The following SMC1A variants were observed in gnomAD, a reference collection of about 807,000 sequenced individuals.
SMC1A encodes the protein structural maintenance of chromosomes protein 1A.
In SMC1A, 4 loss-of-function variants were observed where a neutral mutation model predicts 94.5. That is an observed-to-expected ratio of 0.04 (90% CI 0.02 to 0.10). The LOEUF is 0.10. Ranked by LOEUF, SMC1A falls within the 10% of genes least tolerant of loss-of-function variation. SMC1A has a pLI of 1.00. For missense variants in SMC1A, 304 were observed against 989.0 expected, an observed-to-expected ratio of 0.31 and a Z score of 9.29; for synonymous variants, 345 against 347.7, an observed-to-expected ratio of 0.99 and a Z score of 0.09.
chrX:53,418,004 T>G (rs1422472120), intron 1 of SMC1A, among the ~76,000 whole-genome samples: 2 of 112,319 alleles, frequency 1.8e-5, no homozygotes, highest in African/African-American at 6.5e-5. Context: ...TTTTTACTAC[T>G]GTATATCCTT....
intron 16 of SMC1A, among the ~76,000 whole-genome samples, chrX:53,397,988 C>G (rs917829544): frequency 1.8e-5 from 2 of 108,927 alleles, no homozygotes; most frequent in African/African-American, 3.3e-5. Context: ...GAGTTCCAGA[C>G]CAGCCTGGCG....
chrX:53,381,124 GGGGAGGGGGTGGCAAGGC>G, intron 22 of SMC1A, 37 bp from the exon 23 acceptor site: 1 of 929,243 alleles, frequency 1.1e-6, no homozygotes, highest in Non-Finnish European at 1.6e-6. Flanking sequence ...ACACTGAGGC[GGGGAGGGGGTGGCAAGGC>G]GGGGTGGGAC....
At chrX:53,417,993 C>T (rs2075738793) in intron 1 of SMC1A, among the ~76,000 whole-genome samples, 1 of 112,070 alleles carries the variant, frequency 8.9e-6, no homozygotes, top group South Asian at 3.7e-4. Flanking sequence ...AGGGAGTCTT[C>T]TTTTTACTAC....
At chrX:53,417,634 T>C (rs2075737469) in intron 1 of SMC1A, among the ~76,000 whole-genome samples, 1 of 109,975 alleles carries the variant, frequency 9.1e-6, no homozygotes, top group African/African-American at 3.3e-5. Flanking sequence ...TGCACAAACT[T>C]TGACTGGACT....
chrX:53,409,027 A>C, intron 9 of SMC1A, 35 bp downstream of exon 9: 1 of 1,162,650 alleles, frequency 8.6e-7, no homozygotes, highest in South Asian at 1.8e-5. Flanking sequence ...AGTGAGTGTA[A>C]GTGCTCAGGA....
Position 53,412,130 on chromosome X carries a change from G to A in SMC1A, c.978C>T (p.Tyr326=), listed in dbSNP as rs781829271. The A allele has an allele frequency of 5.0e-6, 6 of 1,209,842 alleles. No individual in the cohort carries two copies. In the South Asian group the frequency reaches 1.1e-4, roughly 21 times the overall value. The change falls in exon 6 of 25, where the codon TAC becomes TAT. Residue 326 remains tyrosine (Y), a synonymous_variant. Coordinates refer to ENST00000322213, the MANE Select transcript of SMC1A (RefSeq NM_006306.4). ...KKSLQNAQKH[Y]KKRKGDMDEL... ...CATCCATGTCACCTTTACGCTTCTT[G>A]TAGTGCTTCTGAGCATTCTGCAGAG...
At chrX:53,392,253 G>A (rs782616425) in intron 19 of SMC1A, among the ~76,000 whole-genome samples, 1 of 108,508 alleles carries the variant, frequency 9.2e-6, no homozygotes, top group South Asian at 4.1e-4. Context: ...TTAGCCGGGC[G>A]TGGTGGCAGG....
intron 16 of SMC1A, 128 bp downstream of exon 16, chrX:53,399,461 C>G: frequency 3.2e-6 from 2 of 631,827 alleles, no homozygotes; most frequent in South Asian, 2.5e-5. Context: ...CCGTTTAGGT[C>G]TTGGTATTTT....
chrX:53,401,983 T>A (rs1333898622), intron 15 of SMC1A, among the ~76,000 whole-genome samples: 1 of 110,038 alleles, frequency 9.1e-6, no homozygotes, highest in Non-Finnish European at 1.9e-5. Context: ...GGGTTTCTTG[T>A]CATTGTTTTT....
intron 19 of SMC1A, among the ~76,000 whole-genome samples, chrX:53,385,464 C>T (rs1047821868): frequency 2.8e-5 from 3 of 107,672 alleles, no homozygotes; most frequent in Non-Finnish European, 5.8e-5. Context: ...TTAGTAGAGA[C>T]GGGGTTTCAC....
intron 19 of SMC1A, among the ~76,000 whole-genome samples, chrX:53,384,280 T>C (rs1294144238): frequency 9.3e-6 from 1 of 107,919 alleles, no homozygotes; most frequent in Non-Finnish European, 1.9e-5. Flanking sequence ...TTTTTTTTTT[T>C]GGAGACAGAG....
intron 20 of SMC1A, 49 bp from the exon 21 acceptor site, chrX:53,382,709 C>A (rs782316543): frequency 9.3e-6 from 11 of 1,186,733 alleles, no homozygotes; most frequent in Non-Finnish European, 1.3e-5. Flanking sequence ...GCAAGAAGGA[C>A]CTGCAAATGA....
intron 15 of SMC1A, among the ~76,000 whole-genome samples, chrX:53,402,883 A>AAAAAAAAAAAAAAAAAAAAAAAAAT (rs2075676233): frequency 1.1e-5 from 1 of 90,102 alleles, no homozygotes; most frequent in Non-Finnish European, 2.1e-5. Flanking sequence ...AAAAAAAAAA[A>AAAAAAAAAAAAAAAAAAAAAAAAAT]AAGGGCCGGC....
intron 19 of SMC1A, among the ~76,000 whole-genome samples, chrX:53,392,965 G>A (rs1556887467): frequency 8.9e-6 from 1 of 112,044 alleles, no homozygotes; most frequent in Non-Finnish European, 1.9e-5. Flanking sequence ...TCATATTCAG[G>A]AGGATTGGAT....
rs1156414417 is a variant in SMC1A at position 53,381,133 on chromosome X, G to T, written c.3438-46C>A. On this transcript the variant is annotated intron_variant, in intron 22 of 24. Coordinates refer to ENST00000322213, the MANE Select transcript of SMC1A (RefSeq NM_006306.4). ...GAGCTGACACTGAGGCGGGGAGGGG[G>T]TGGCAAGGCGGGGTGGGACAGCCCC... 4 of 758,889 alleles carry T rather than the reference G, an allele frequency of 5.3e-6. No individual in the cohort carries two copies. The African/African-American group carries it at 6.3e-5, about 12-fold the overall frequency. The allele number at this position is 758,889 out of a possible 1,213,427, so 62.5% of individuals were successfully genotyped here. A position where few individuals can be genotyped will look rare whatever the true frequency, so the allele number is the denominator to read the frequency against.
intron 19 of SMC1A, among the ~76,000 whole-genome samples, chrX:53,385,580 A>G (rs782258473): frequency 9.1e-6 from 1 of 110,450 alleles, no homozygotes; most frequent in Admixed American, 9.7e-5. Flanking sequence ...CGGCCCCAGG[A>G]TAGATTTTTA....
chrX:53,413,147 A>G lies in SMC1A; in HGVS notation c.616-9T>C. On this transcript the variant is annotated splice_polypyrimidine_tract_variant and intron_variant, in intron 4 of 24. Coordinates refer to ENST00000322213, the MANE Select transcript of SMC1A (RefSeq NM_006306.4). ...CGCTGGTACCGGTCAGCCTGTGCAAACAGGGGAATGGTGGCAGGGGTGCAT... is the reference window on the plus strand; with the variant it reads ...CGCTGGTACCGGTCAGCCTGTGCAAGCAGGGGAATGGTGGCAGGGGTGCAT... 1 of 1,211,745 alleles carries G rather than the reference A, an allele frequency of 8.3e-7. No individual in the cohort carries two copies. The highest frequency in any genetic ancestry group is 1.1e-6 in the Non-Finnish European group (1 of 895,558).
chrX:53,414,346 G>A (rs181503473), intron 3 of SMC1A, among the ~76,000 whole-genome samples: 2 of 111,161 alleles, frequency 1.8e-5, no homozygotes, highest in African/African-American at 6.5e-5. Context: ...AATTTCGGCC[G>A]ACATCATAAT....
chrX:53,389,572 TACAA>T (rs1310589499), intron 19 of SMC1A, among the ~76,000 whole-genome samples: 1 of 110,123 alleles, frequency 9.1e-6, no homozygotes, highest in Non-Finnish European at 1.9e-5. Context: ...CTACTAAAAA[TACAA>T]ACAATTAGCC....
Sources: gnomAD v4.1 joint callset for allele counts (sites outside exome capture counted in the v4.1 genomes callset) on GRCh38, gnomAD v4.1.1 for gene constraint, MANE v1.5 for transcripts, NCBI Gene and HGNC (gene_info 2026-07-23, HGNC 2026-07-21) for gene names.